KIF20B: variants seen among roughly 807,000 people sequenced by gnomAD.
KIF20B encodes kinesin family member 20B.
KIF20B carries 188 observed loss-of-function variants against 232.5 expected under a neutral mutation model. The observed-to-expected ratio is 0.81, with a 90% confidence interval of 0.72 to 0.91. The LOEUF (loss-of-function observed/expected upper bound fraction) is 0.91. KIF20B is among the 40% of genes least tolerant of loss of function. The pLI is 0.00. For synonymous variants in KIF20B, 712 were observed against 683.0 expected (o/e 1.04, Z -0.66); for missense variants, 2,154 against 2,055.9 (o/e 1.05, Z -0.92).
chr10:89,716,690 A>G, intron 9 of KIF20B, 143 bp downstream of exon 9: 1 of 600,914 alleles, frequency 1.7e-6, no homozygotes, highest in Non-Finnish European at 3.0e-6. Context: ...TGGTATACAG[A>G]ATAACACTAA....
At chr10:89,702,836 C>T (rs149516231) in intron 1 of KIF20B, among the ~76,000 whole-genome samples, 2 of 150,560 alleles carry the variant, frequency 1.3e-5, no homozygotes, top group East Asian at 3.9e-4. Context: ...CTGCATAAGT[C>T]GCTGAATTTG....
chr10:89,769,424 A>AACAAG (rs1842425901), intron 31 of KIF20B, among the ~76,000 whole-genome samples: 2 of 152,014 alleles, frequency 1.3e-5, no homozygotes, highest in African/African-American at 4.8e-5. Context: ...AACAAAACAA[A>AACAAG]ACAAAACAGA....
At chr10:89,702,901 A>C (rs955051836) in intron 1 of KIF20B, among the ~76,000 whole-genome samples, 4 of 152,206 alleles carry the variant, frequency 2.6e-5, no homozygotes, top group Admixed American at 6.5e-5. Context: ...AGAAGTTTCC[A>C]GTTTAGTTGG....
chr10:89,702,195 G>A (rs1051699278), intron 1 of KIF20B, among the ~76,000 whole-genome samples: 1 of 152,108 alleles, frequency 6.6e-6, no homozygotes, highest in African/African-American at 2.4e-5. Flanking sequence ...TAGGTAACAC[G>A]GCCTTTTTGC....
intron 22 of KIF20B, among the ~76,000 whole-genome samples, chr10:89,744,266 G>A (rs1347108492): frequency 2.0e-5 from 3 of 152,068 alleles, no homozygotes; most frequent in Non-Finnish European, 4.4e-5. Flanking sequence ...TGACCAGAAA[G>A]GCACATACCC....
At chr10:89,727,933 TTTAA>T (rs752379792) in intron 17 of KIF20B, 37 bp downstream of exon 17, 130 of 1,501,074 alleles carry the variant, frequency 8.7e-5, no homozygotes, top group African/African-American at 8.4e-4. Context: ...TGATAAGGTA[TTTAA>T]TTAACAAAGG....
chr10:89,747,320 CAG>C (rs2133144469), intron 23 of KIF20B, among the ~76,000 whole-genome samples: 1 of 152,042 alleles, frequency 6.6e-6, no homozygotes, highest in African/African-American at 2.4e-5. Context: ...TTGTGGAAGT[CAG>C]TGTGGCGATT....
rs755575636 is a variant in KIF20B, at chr10:89,724,050, A to G, written c.1809A>G (p.Glu603=). ...TAACCTTGGAATTTAAAATTCGAGA[A>G]GAAGTTACACAGGAGTTTACTCAGT... The part of the protein sequence containing the change: ...EKLTLEFKIR[E]EVTQEFTQYW... Residue 603 remains glutamate, a synonymous_variant, in exon 14 of 33, where the codon GAA becomes GAG. Coordinates refer to ENST00000371728, the MANE Select transcript of KIF20B (RefSeq NM_001284259.2). The G allele has an allele frequency of 1.3e-6, 2 of 1,581,060 alleles. No individual in the cohort carries two copies. The highest frequency in any genetic ancestry group is 1.7e-6 in the Non-Finnish European group (2 of 1,168,254).
At chr10:89,747,424 GAC>G (rs1237788526) in intron 23 of KIF20B, among the ~76,000 whole-genome samples, 2 of 152,090 alleles carry the variant, frequency 1.3e-5, no homozygotes, top group East Asian at 3.9e-4. Flanking sequence ...CTGCTATAAA[GAC>G]ACATGCACAT....
intron 26 of KIF20B, among the ~76,000 whole-genome samples, chr10:89,755,870 T>C (rs1181395744): frequency 6.6e-6 from 1 of 152,162 alleles, no homozygotes; most frequent in African/African-American, 2.4e-5. Context: ...GTTGGGATTA[T>C]GGGTGTGAGC....
At chr10:89,758,011 T>C (rs1842166088) in intron 26 of KIF20B, among the ~76,000 whole-genome samples, 1 of 152,022 alleles carries the variant, frequency 6.6e-6, no homozygotes, top group Non-Finnish European at 1.5e-5. Context: ...TTGTGCTAAC[T>C]TGAAATTATA....
Position 89,724,037 on chromosome 10 carries a change from T to G in KIF20B, c.1796T>G (p.Phe599Cys). The change falls in exon 14 of 33, where the codon TTT (phenylalanine) becomes TGT (cysteine). Residue 599 changes from phenylalanine (F) to cysteine (C), a missense_variant. Coordinates refer to ENST00000371728, the MANE Select transcript of KIF20B (RefSeq NM_001284259.2). ...AAAAAGGAAAAATTAACCTTGGAAT[T>G]TAAAATTCGAGAAGAAGTTACACAG... Reference protein sequence around the residue: ...NEKKEKLTLEFKIREEVTQEF... With the variant: ...NEKKEKLTLECKIREEVTQEF... 1 of 1,584,828 alleles carries G rather than the reference T, an allele frequency of 6.3e-7. No individual in the cohort carries two copies. Among genetic ancestry groups the G allele is most frequent in the Non-Finnish European group, 8.5e-7 (1 of 1,169,696 alleles).
At chr10:89,745,750 T>C (rs758563252) in intron 22 of KIF20B, 149 bp from the exon 23 acceptor site, 3 of 603,160 alleles carry the variant, frequency 5.0e-6, no homozygotes, top group Middle Eastern at 4.5e-4. Context: ...TGAAAGACAG[T>C]TGGAAGCTTG....
rs149758232 is a variant in KIF20B, at chr10:89,752,584, G to A, written c.4240G>A (p.Glu1414Lys). Residue 1414 changes from glutamate (E) to lysine (K), a missense_variant, in exon 25 of 33, where the codon GAA (glutamate) becomes AAA (lysine). Transcript: ENST00000371728. ...RLATELEKWK[E>K]KCNDLETKNN... ...CAAATCAGAATTGGAAAAATGGAAG[G>A]AAAAATGCAATGATTTGGAAACCAA... is the stretch of plus-strand genomic sequence containing the variant. The A allele has an allele frequency of 1.2e-4, 194 of 1,600,448 alleles. No homozygotes were observed. The highest frequency in any genetic ancestry group is 1.6e-4 in the Non-Finnish European group (193 of 1,173,558).
At chr10:89,716,141 A>G (rs12243754) in intron 8 of KIF20B, among the ~76,000 whole-genome samples, 2,563 of 152,042 alleles carry the variant, frequency 0.017, 89 homozygotes, top group African/African-American at 0.058. Context: ...GTACTTTGCC[A>G]CTCTTTTTTT....
At chr10:89,745,735 C>T (rs1270852371) in intron 22 of KIF20B, among the ~76,000 whole-genome samples, 164 bp from the exon 23 acceptor site, 1 of 152,004 alleles carries the variant, frequency 6.6e-6, no homozygotes, top group Admixed American at 6.6e-5. Context: ...CCCTTTTCTC[C>T]AAGATGAAAG....
chr10:89,703,742 A>T (rs1453004188), intron 1 of KIF20B, among the ~76,000 whole-genome samples: 6 of 143,376 alleles, frequency 4.2e-5, no homozygotes. Context: ...TTGGCGCCCC[A>T]GCAGGCTTTT....
intron 25 of KIF20B, among the ~76,000 whole-genome samples, chr10:89,753,540 G>T (rs993681467): frequency 6.6e-6 from 1 of 152,202 alleles, no homozygotes; most frequent in Non-Finnish European, 1.5e-5. Context: ...GTTCTAAGAT[G>T]ATGTAATCAC....
Position 89,738,124 on chromosome 10 carries a change from T to C in KIF20B, c.3283T>C (p.Tyr1095His). The C allele has an allele frequency of 6.2e-7, 1 of 1,606,910 alleles. No homozygotes were observed. The highest frequency in any genetic ancestry group is 2.2e-5 in the East Asian group (1 of 44,688). Residue 1095 changes from tyrosine to histidine, a missense_variant, in exon 20 of 33, where the codon TAT becomes CAT. Physicochemically the swap from Tyr to His is moderately conservative, Grantham distance 83. Coordinates refer to ENST00000371728, the MANE Select transcript of KIF20B (RefSeq NM_001284259.2). ...AAAATTGCAGGCAGAAGTAAAAGGC[T>C]ATAAGGATGAAAACAATAGACTAAA... is the stretch of plus-strand genomic sequence containing the variant. ...IEKLQAEVKG[Y>H]KDENNRLKEK...
Sources: allele counts gnomAD v4.1 joint callset (sites outside exome capture counted in the v4.1 genomes callset), GRCh38; gene constraint gnomAD v4.1.1; transcripts MANE v1.5; gene names NCBI Gene and HGNC (gene_info 2026-07-23, HGNC 2026-07-21).